The following NPAS3 variants were observed in gnomAD, a reference collection of about 807,000 sequenced individuals.
The protein encoded by NPAS3 is neuronal PAS domain protein 3.
A neutral mutation model predicts 73.1 loss-of-function variants in NPAS3; 14 were observed. That is an observed-to-expected ratio of 0.19 (90% CI 0.13 to 0.30). The LOEUF (loss-of-function observed/expected upper bound fraction) is 0.30. Among genes scored for constraint, NPAS3 ranks in the 10% least tolerant of loss-of-function variants. The pLI, the probability that NPAS3 is intolerant of heterozygous loss-of-function variation, is 1.00. For missense variants in NPAS3, 1,096 were observed against 1,250.0 expected (o/e 0.88, Z 1.86); for synonymous variants, 620 against 541.5 (o/e 1.14, Z -2.01).
At chr14:33,035,590 G>A (rs994627660) in intron 1 of NPAS3, among the ~76,000 whole-genome samples, 10 of 152,042 alleles carry the variant, frequency 6.6e-5, no homozygotes, top group African/African-American at 2.2e-4. Flanking sequence ...TGCAATTCAG[G>A]GCTTTGAAAA....
chr14:33,122,392 T>C (rs1016494149), intron 2 of NPAS3, among the ~76,000 whole-genome samples: 2 of 152,150 alleles, frequency 1.3e-5, no homozygotes, highest in Non-Finnish European at 2.9e-5. Context: ...CTAATTTGAA[T>C]AACTAGCAAA....
At chr14:33,107,539 A>G (rs574537713) in intron 2 of NPAS3, among the ~76,000 whole-genome samples, 2 of 152,298 alleles carry the variant, frequency 1.3e-5, no homozygotes, top group South Asian at 2.1e-4. Flanking sequence ...TAGTTTGCCT[A>G]GGATATTGGC....
At chr14:33,463,487 C>A (rs2050368423) in intron 4 of NPAS3, among the ~76,000 whole-genome samples, 1 of 152,038 alleles carries the variant, frequency 6.6e-6, no homozygotes, top group African/African-American at 2.4e-5. Context: ...TTATAATTCT[C>A]AAGGCTAATA....
At chr14:33,769,201 T>C (rs2062561436) in intron 7 of NPAS3, among the ~76,000 whole-genome samples, 1 of 152,196 alleles carries the variant, frequency 6.6e-6, no homozygotes. Context: ...AATTTCTTGG[T>C]TTTAATTATC....
At chr14:33,305,132 G>T (rs1193178428) in intron 3 of NPAS3, among the ~76,000 whole-genome samples, 2 of 152,024 alleles carry the variant, frequency 1.3e-5, no homozygotes, top group Admixed American at 6.6e-5. Flanking sequence ...AAAAGTATGG[G>T]ATTAGGGCTA....
rs1226491375 is a variant in NPAS3 at position 33,784,745 on chromosome 14, A to ATTTTTTTT, written c.1153+6188_1153+6195dup. ...TTTTTATTTATTTATTTATTTATTT[A>ATTTTTTTT]TTTTTTTTTTTTTTTTTTTTTTGAG... is the stretch of plus-strand genomic sequence containing the variant. On this transcript the variant is annotated intron_variant, in intron 9 of 11. Transcript: ENST00000356141. 1.4e-3 allele frequency among the ~76,000 whole-genome samples: 102 copies of ATTTTTTTT among 73,806 alleles called. 2 individuals are homozygous for ATTTTTTTT. Among genetic ancestry groups the ATTTTTTTT allele is most frequent in the African/African-American group, 5.4e-3 (87 of 15,980 alleles). 48.4% of individuals were successfully genotyped at this position (73,806 alleles called of 152,430 possible).
At chr14:33,652,992 G>A (rs2059043003) in intron 5 of NPAS3, among the ~76,000 whole-genome samples, 1 of 152,210 alleles carries the variant, frequency 6.6e-6, no homozygotes, top group Non-Finnish European at 1.5e-5. Flanking sequence ...TTAATGGTCA[G>A]TCCGAGGAAG....
chr14:32,962,049 TAAG>T (rs766771391), intron 1 of NPAS3, among the ~76,000 whole-genome samples: 16 of 152,036 alleles, frequency 1.1e-4, no homozygotes, highest in East Asian at 9.6e-4. Context: ...AAACAGGTGA[TAAG>T]AAAAAAAAGG....
chr14:33,259,717 T>C lies in NPAS3; in HGVS notation c.385+44291T>C, dbSNP rs1477509585. ...GGGGAAGAAAGAATAAGTAAGGGCA[T>C]GAACCCTTGTCTATAGACACAGCAT... On this transcript the variant is annotated intron_variant, in intron 3 of 11. Coordinates refer to ENST00000356141, the Ensembl canonical transcript of NPAS3. Among the ~76,000 whole-genome samples, 3 of 152,224 alleles carry C rather than the reference T, an allele frequency of 2.0e-5. No homozygotes were observed. The East Asian group carries it at 5.8e-4, about 29-fold the overall frequency.
intron 2 of NPAS3, among the ~76,000 whole-genome samples, chr14:33,060,851 A>T (rs17457139): frequency 6.6e-6 from 1 of 152,148 alleles, no homozygotes; most frequent in Admixed American, 6.5e-5. Flanking sequence ...TTCAGACACC[A>T]TGACAGGGCT....
At chr14:33,241,125 A>T (rs994447730) in intron 3 of NPAS3, among the ~76,000 whole-genome samples, 2 of 151,838 alleles carry the variant, frequency 1.3e-5, no homozygotes, top group Admixed American at 6.6e-5. Context: ...CTAGTATTTC[A>T]CAATAGTGAA....
chr14:33,445,525 T>C (rs918291543), intron 4 of NPAS3, among the ~76,000 whole-genome samples: 2 of 152,224 alleles, frequency 1.3e-5, no homozygotes, highest in South Asian at 2.1e-4. Context: ...GAGTGAAATA[T>C]AACTCTGTTA....
intron 3 of NPAS3, among the ~76,000 whole-genome samples, chr14:33,360,304 G>A (rs117434748): frequency 0.021 from 3,191 of 150,808 alleles, 50 homozygotes; most frequent in South Asian, 0.036. Flanking sequence ...TTCTGAAGTC[G>A]CTTTATAACT....
intron 4 of NPAS3, among the ~76,000 whole-genome samples, chr14:33,444,928 T>A (rs1179325137): frequency 1.3e-5 from 2 of 152,252 alleles, no homozygotes; most frequent in East Asian, 3.8e-4. Flanking sequence ...CTACCCAATT[T>A]AATTATCTGC....
At chr14:32,986,739 G>A (rs186046562) in intron 1 of NPAS3, among the ~76,000 whole-genome samples, 1 of 152,370 alleles carries the variant, frequency 6.6e-6, no homozygotes, top group Non-Finnish European at 1.5e-5. Context: ...ATAACATTTA[G>A]TTAACAGCAG....
intron 4 of NPAS3, among the ~76,000 whole-genome samples, chr14:33,470,432 A>G (rs553818951): frequency 1.3e-5 from 2 of 152,296 alleles, no homozygotes; most frequent in Middle Eastern, 3.4e-3. Flanking sequence ...TCCCTTTACT[A>G]TAATAATAGG....
In NPAS3 at chr14:33,718,834, G is replaced by A. The variant is rs868563381; in HGVS notation, c.734-16380G>A. On this transcript the variant is annotated intron_variant, in intron 6 of 11. Transcript: ENST00000356141. ...GGAGATGCATAACTCACACAAGGCTGTAAAGCTGCGGCCAGGTACGGTGGC... is the reference window on the plus strand; with the variant it reads ...GGAGATGCATAACTCACACAAGGCTATAAAGCTGCGGCCAGGTACGGTGGC... Among the ~76,000 whole-genome samples, 3 of 152,268 alleles carry A rather than the reference G, an allele frequency of 2.0e-5. 1 individual carries two copies. Among genetic ancestry groups the A allele is most frequent in the Middle Eastern group, 6.8e-3 (2 of 294 alleles).
intron 3 of NPAS3, among the ~76,000 whole-genome samples, chr14:33,310,608 G>A (rs914116587): frequency 6.6e-6 from 1 of 152,170 alleles, no homozygotes; most frequent in African/African-American, 2.4e-5. Flanking sequence ...CAACAAATCT[G>A]CTGTCAGGTG....
intron 3 of NPAS3, among the ~76,000 whole-genome samples, chr14:33,216,122 A>G (rs1248969239): frequency 6.6e-6 from 1 of 152,034 alleles, no homozygotes; most frequent in African/African-American, 2.4e-5. Context: ...ATATTTATTT[A>G]TGTATATGTG....
Sources: allele counts gnomAD v4.1 joint callset (sites outside exome capture counted in the v4.1 genomes callset), GRCh38; gene constraint gnomAD v4.1.1; transcripts MANE v1.5; gene names NCBI Gene and HGNC (gene_info 2026-07-23, HGNC 2026-07-21).